TPM1: variants seen among roughly 807,000 people sequenced by gnomAD.
TPM1 encodes the protein tropomyosin alpha-1 chain.
In TPM1, 24 loss-of-function variants were observed where a neutral mutation model predicts 42.9. The ratio of observed to expected loss-of-function variants is 0.56; its 90% CI spans 0.41 to 0.79. The LOEUF is 0.79. Ranked by LOEUF, TPM1 falls within the 30% of genes least tolerant of loss-of-function variation. The pLI is 0.00. For missense variants in TPM1, 158 were observed against 351.8 expected, an observed-to-expected ratio of 0.45 and a Z score of 4.41; for synonymous variants, 136 against 130.1, an observed-to-expected ratio of 1.05 and a Z score of -0.31.
intron 3 of TPM1, among the ~76,000 whole-genome samples, chr15:63,058,623 C>T (rs190809673): frequency 2.6e-5 from 4 of 152,096 alleles, no homozygotes; most frequent in South Asian, 2.1e-4. Flanking sequence ...GCAGAAGAAT[C>T]GCTTGAACCC....
intron 2 of TPM1, chr15:63,049,303 A>C (rs12441488): frequency 0.14 from 21,441 of 154,634 alleles, 1,880 homozygotes; most frequent in East Asian, 0.44. Context: ...CAAAACCCTT[A>C]ACCCGTCCCT....
intron 2 of TPM1, chr15:63,048,829 C>A: frequency 7.7e-7 from 1 of 1,298,756 alleles, no homozygotes; most frequent in Non-Finnish European, 1.1e-6. Context: ...CTCCAGGGCG[C>A]ACCTGGCGCA....
intron 3 of TPM1, 58 bp from the exon 4 acceptor site, chr15:63,059,505 G>T: frequency 7.4e-7 from 1 of 1,358,624 alleles, no homozygotes; most frequent in African/African-American, 1.4e-5. Context: ...GCAGTGCAGT[G>T]TGCATTTGGG....
chr15:63,066,278 CA>C (rs2036267294), downstream of TPM1: 3 of 894,980 alleles, frequency 3.4e-6, no homozygotes, highest in Admixed American at 4.8e-5. Context: ...TGTTGAACTT[CA>C]AAAAAATACC....
chr15:63,043,757 G>T (rs1250358279), intron 1 of TPM1: 1 of 1,549,784 alleles, frequency 6.5e-7, no homozygotes, highest in Non-Finnish European at 8.7e-7. Flanking sequence ...GTCGGAGGAC[G>T]AGCGGGACCG....
intron 2 of TPM1, chr15:63,044,737 G>A (rs1254144194): frequency 5.8e-6 from 1 of 173,902 alleles, no homozygotes; most frequent in Non-Finnish European, 1.3e-5. Context: ...CTGGGAAGAT[G>A]ATACTTGCTT....
At chr15:63,044,232 G>T in intron 2 of TPM1, 80 bp downstream of exon 2, 1 of 1,609,612 alleles carries the variant, frequency 6.2e-7, no homozygotes. Flanking sequence ...GGAGAGCAAT[G>T]AAGGAAGTTT....
At chr15:63,063,770 G>T in intron 8 of TPM1, 1 of 340,006 alleles carries the variant, frequency 2.9e-6, no homozygotes, top group Non-Finnish European at 5.4e-6. Flanking sequence ...CTGTGGTTTC[G>T]TTTACAATTT....
intron 2 of TPM1, among the ~76,000 whole-genome samples, chr15:63,051,878 G>A (rs1217768112): frequency 1.4e-5 from 2 of 145,660 alleles, no homozygotes; most frequent in Non-Finnish European, 3.0e-5. Flanking sequence ...TGAAAATCTA[G>A]GCCTCATAAA....
intron 2 of TPM1, chr15:63,056,348 G>A (rs1399303637): frequency 6.5e-6 from 1 of 153,128 alleles, no homozygotes; most frequent in African/African-American, 2.4e-5. Context: ...TTGTTTAACA[G>A]GCAAGTAAAG....
intron 4 of TPM1, 152 bp from the exon 5 acceptor site, chr15:63,060,717 A>C: frequency 4.8e-6 from 4 of 825,174 alleles, no homozygotes; most frequent in Non-Finnish European, 8.2e-6. Context: ...CCTAATAGAG[A>C]GTTGCTTCTC....
downstream of TPM1, chr15:63,070,670 G>T: frequency 1.0e-6 from 1 of 1,004,000 alleles, no homozygotes; most frequent in Non-Finnish European, 1.2e-6. Flanking sequence ...TTGTGAGTTT[G>T]TGTTACCGCA....
intron 2 of TPM1, among the ~76,000 whole-genome samples, chr15:63,054,918 C>T (rs2034535186): frequency 6.6e-6 from 1 of 151,602 alleles, no homozygotes; most frequent in Non-Finnish European, 1.5e-5. Context: ...TCCCCCCCAC[C>T]CTCAAAAGGA....
At chr15:63,062,173 T>A (rs1355206522) in intron 6 of TPM1, 42 bp from the exon 7 acceptor site, 4 of 1,582,300 alleles carry the variant, frequency 2.5e-6, no homozygotes, top group Non-Finnish European at 2.6e-6. Flanking sequence ...ATGAGTAGAT[T>A]GAGCTGCAGC....
At chr15:63,043,320 G>T in intron 1 of TPM1, 1 of 537,650 alleles carries the variant, frequency 1.9e-6, no homozygotes, top group Non-Finnish European at 3.6e-6. Context: ...TTAGAAGTTC[G>T]TTGACTTTTG....
At chr15:63,065,214 C>G (rs781228334) in intron 9 of TPM1, 38 of 985,902 alleles carry the variant, frequency 3.9e-5, no homozygotes, top group Non-Finnish European at 4.5e-5. Flanking sequence ...TGAACAGATA[C>G]AACTAATTTA....
At chr15:63,062,550 A>C (rs1207943431) in intron 7 of TPM1, 26 bp from the exon 8 acceptor site, 1 of 1,613,890 alleles carries the variant, frequency 6.2e-7, no homozygotes, top group Non-Finnish European at 8.5e-7. Flanking sequence ...AAACTTCCCA[A>C]CTTTAACTCA....
intron 8 of TPM1, chr15:63,062,882 C>G (rs2035840622): frequency 6.6e-7 from 1 of 1,506,688 alleles, no homozygotes; most frequent in Non-Finnish European, 8.8e-7. Context: ...AGCTTGACTT[C>G]ATGCTCATTA....
intron 4 of TPM1, among the ~76,000 whole-genome samples, chr15:63,060,329 G>A (rs993189570): frequency 2.0e-5 from 3 of 152,094 alleles, no homozygotes; most frequent in African/African-American, 7.2e-5. Context: ...CACAAGTTTT[G>A]ATCTGCTTCA....
Sources: gnomAD v4.1 joint callset for allele counts (sites outside exome capture counted in the v4.1 genomes callset) on GRCh38, gnomAD v4.1.1 for gene constraint, MANE v1.5 for transcripts, NCBI Gene and HGNC (gene_info 2026-07-23, HGNC 2026-07-21) for gene names.